SCUBE3: variants seen among roughly 807,000 people sequenced by gnomAD.
SCUBE3 encodes signal peptide, CUB and EGF-like domain-containing protein 3.
SCUBE3 carries 33 observed loss-of-function variants against 116.8 expected under a neutral mutation model. The observed-to-expected ratio is 0.28, with a 90% CI of 0.21 to 0.38. The LOEUF is 0.38. SCUBE3 is among the 10% of genes least tolerant of loss of function. SCUBE3 has a pLI of 1.00. For missense variants in SCUBE3, 1,007 were observed against 1,324.8 expected, an observed-to-expected ratio of 0.76 and a Z score of 3.72; for synonymous variants, 418 against 496.9, an observed-to-expected ratio of 0.84 and a Z score of 2.11.
rs1784448337 is a variant in SCUBE3, at chr6:35,248,676, G to A, written c.2953G>A (p.Val985Ile). ...KSFIKLLRSK[V>I]SSFLRPYK ...CTTCATCAAGCTGCTCCGCTCCAAAGTTTCCAGCTTCCTGAGGCCCTACAA... is the reference window on the plus strand; with the variant it reads ...CTTCATCAAGCTGCTCCGCTCCAAAATTTCCAGCTTCCTGAGGCCCTACAA... Residue 985 changes from valine to isoleucine, a missense_variant, in exon 22 of 22, where the codon GTT becomes ATT. Transcript: ENST00000274938. The A allele has an allele frequency of 6.2e-7, 1 of 1,613,914 alleles. No homozygotes were observed. Among genetic ancestry groups the A allele is most frequent in the African/African-American group, 1.3e-5 (1 of 74,858 alleles).
At position 35,214,525 on chromosome 6, in the gene SCUBE3, G is replaced by T; in HGVS notation, c.85+22G>T. 7.0e-7 allele frequency: 1 copy of T among 1,433,666 alleles called. No homozygotes were observed. The highest frequency in any genetic ancestry group is 9.2e-7 in the Non-Finnish European group (1 of 1,084,654). 88.8% of individuals were successfully genotyped at this position (1,433,666 alleles called of 1,614,324 possible). On this transcript the variant is annotated intron_variant, in intron 1 of 21. Transcript: ENST00000274938. This position sits in a 1 kb window ranked among gnomAD's most constrained non-coding sequence, Gnocchi z 6.3. ...CAAGGTAAGGAAGGAGGGGCGCGCGGCCTGGGGGCTGTCCTGGCTGCTGGG... is the reference window on the plus strand; with the variant it reads ...CAAGGTAAGGAAGGAGGGGCGCGCGTCCTGGGGGCTGTCCTGGCTGCTGGG...
intron 1 of SCUBE3, among the ~76,000 whole-genome samples, chr6:35,215,732 CA>C (rs1338766806): frequency 6.6e-6 from 1 of 152,192 alleles, no homozygotes; most frequent in Admixed American, 6.5e-5. Context: ...CTCCTCTCCC[CA>C]AACACTGCCT....
In SCUBE3 at chr6:35,241,360, T is replaced by C. The variant is rs894094852; in HGVS notation, c.1195+94T>C. Reference sequence around the variant, plus strand: ...CATAGAGTATCACATTGGGGAAAGGTGTGAGGTGGAAAGGGTGGAGAATGT... The same window carrying C: ...CATAGAGTATCACATTGGGGAAAGGCGTGAGGTGGAAAGGGTGGAGAATGT... On this transcript the variant is annotated intron_variant, in intron 10 of 21. Transcript: ENST00000274938. The surrounding 1 kb of genome is among the most constrained non-coding windows in gnomAD (Gnocchi z 4.1). The C allele has an allele frequency of 1.2e-5, 17 of 1,405,364 alleles. No individual in the cohort carries two copies. The African/African-American group carries it at 1.8e-4, about 15-fold the overall frequency. 87.1% of individuals were successfully genotyped at this position (1,405,364 alleles called of 1,614,324 possible). A position where few individuals can be genotyped will look rare whatever the true frequency, so the allele number is the denominator to read the frequency against.
chr6:35,231,596 G>A lies in SCUBE3; in HGVS notation c.335-129G>A, dbSNP rs1783549647. 2 of 693,102 alleles carry A rather than the reference G, an allele frequency of 2.9e-6. No homozygotes were observed. Among genetic ancestry groups the A allele is most frequent in the Admixed American group, 6.1e-5 (2 of 32,772 alleles). The allele number at this position is 693,102 out of a possible 1,614,324, so 42.9% of individuals were successfully genotyped here. Reference sequence around the variant, plus strand: ...GAAATATTAGCTGACAAGGGTGTGAGGACTTCCTGGCTTAAGGCTGGGCTT... The same window carrying A: ...GAAATATTAGCTGACAAGGGTGTGAAGACTTCCTGGCTTAAGGCTGGGCTT... On this transcript the variant is annotated intron_variant, in intron 3 of 21. Coordinates refer to ENST00000274938, the MANE Select transcript of SCUBE3 (RefSeq NM_152753.4). The surrounding 1 kb of genome is among the most constrained non-coding windows in gnomAD (Gnocchi z 4.2).
intron 3 of SCUBE3, among the ~76,000 whole-genome samples, chr6:35,229,761 A>T (rs529805775): frequency 1.3e-5 from 2 of 152,198 alleles, no homozygotes; most frequent in African/African-American, 4.8e-5. Flanking sequence ...CTCTTCCCCA[A>T]GCAGAAAATC....
Position 35,246,064 on chromosome 6 carries a change from G to A in SCUBE3, c.2720G>A (p.Arg907His), listed in dbSNP as rs780534784. Reference protein sequence around the residue: ...NFKTSEANSARGFQIPYVTYD... With the variant: ...NFKTSEANSAHGFQIPYVTYD... ...AAGACAAGCGAGGCCAACAGCGCCC[G>A]TGGCTTCCAGATTCCCTATGTTACC... The change falls in exon 20 of 22, where the codon CGT (arginine) becomes CAT (histidine). Residue 907 changes from arginine (R) to histidine (H), a missense_variant. Transcript: ENST00000274938. The A allele has an allele frequency of 2.2e-5, 36 of 1,614,062 alleles. No homozygotes were observed. The highest frequency in any genetic ancestry group is 2.0e-4 in the South Asian group (18 of 91,090).
chr6:35,216,287 T>C (rs1457399563), intron 1 of SCUBE3, among the ~76,000 whole-genome samples: 1 of 152,238 alleles, frequency 6.6e-6, no homozygotes, highest in Admixed American at 6.5e-5. Context: ...TTGGACTCCC[T>C]GCTGGGTACT....
chr6:35,227,787 C>T, intron 2 of SCUBE3, 85 bp downstream of exon 2: 3 of 1,389,586 alleles, frequency 2.2e-6, no homozygotes, highest in East Asian at 4.7e-5. Context: ...CACTCTCCAT[C>T]ACATCAAGGC....
chr6:35,238,113 T>TC, intron 7 of SCUBE3, 95 bp downstream of exon 7: 2 of 652,910 alleles, frequency 3.1e-6, no homozygotes, highest in East Asian at 5.2e-5. Context: ...TGACACCTCC[T>TC]CAACCTCCTT....
intron 1 of SCUBE3, among the ~76,000 whole-genome samples, chr6:35,226,327 T>C (rs1349133421): frequency 6.6e-6 from 1 of 152,152 alleles, no homozygotes; most frequent in East Asian, 1.9e-4. Flanking sequence ...TTGGCTGGGC[T>C]GAGTCACCTT....
In SCUBE3 at chr6:35,214,343, C is replaced by T. The variant is rs952911737; in HGVS notation, c.-76C>T. On this transcript the variant is annotated 5_prime_UTR_variant, in exon 1 of 22. Coordinates refer to ENST00000274938, the MANE Select transcript of SCUBE3 (RefSeq NM_152753.4). The surrounding 1 kb of genome is among the most constrained non-coding windows in gnomAD (Gnocchi z 6.3). ...CCCCCTCCCCTCCCCCTCCTGCGAG[C>T]TGGGATCCGGCCGGCTTCCGCCCTC... The T allele has an allele frequency of 8.4e-5, 79 of 939,424 alleles. No individual in the cohort carries two copies. In the East Asian group the frequency reaches 2.7e-3, roughly 32 times the overall value. The allele number at this position is 939,424 out of a possible 1,614,324, so 58.2% of individuals were successfully genotyped here. A position where few individuals can be genotyped will look rare whatever the true frequency, so the allele number is the denominator to read the frequency against.
intron 6 of SCUBE3, among the ~76,000 whole-genome samples, chr6:35,234,550 C>A (rs190206039): frequency 6.6e-6 from 1 of 152,196 alleles, no homozygotes; most frequent in Non-Finnish European, 1.5e-5. Flanking sequence ...GACCCCAGAA[C>A]ATTTTTAGGC....
In SCUBE3 at chr6:35,241,055, A is replaced by C; in HGVS notation, c.1070-86A>C. On this transcript the variant is annotated intron_variant, in intron 9 of 21. Coordinates refer to ENST00000274938, the MANE Select transcript of SCUBE3 (RefSeq NM_152753.4). The surrounding 1 kb of genome is among the most constrained non-coding windows in gnomAD (Gnocchi z 4.1). ...CGTAATGCAGGGTACCTGAAACTCT[A>C]ACCAAAGGCCCTCACTCACTGCCTA... 7.4e-7 allele frequency: 1 copy of C among 1,359,288 alleles called. No individual in the cohort carries two copies. The highest frequency in any genetic ancestry group is 1.0e-6 in the Non-Finnish European group (1 of 984,404). 84.2% of individuals were successfully genotyped at this position (1,359,288 alleles called of 1,614,324 possible).
chr6:35,214,303 G>C lies in SCUBE3; in HGVS notation c.-116G>C, dbSNP rs1782794837. ...GCCCCGCGACTGCAGCCCCCGGCCTGGCCCCGGCGGGGCGCCCCCTCCCCT... is the reference window on the plus strand; with the variant it reads ...GCCCCGCGACTGCAGCCCCCGGCCTCGCCCCGGCGGGGCGCCCCCTCCCCT... On this transcript the variant is annotated 5_prime_UTR_variant, in exon 1 of 22. Transcript: ENST00000274938. The surrounding 1 kb of genome is among the most constrained non-coding windows in gnomAD (Gnocchi z 6.3). The C allele has an allele frequency of 2.0e-6, 1 of 492,510 alleles. No homozygotes were observed. Among genetic ancestry groups the C allele is most frequent in the East Asian group, 3.9e-5 (1 of 25,324 alleles). The allele number at this position is 492,510 out of a possible 1,614,324, so 30.5% of individuals were successfully genotyped here.
At position 35,227,712 on chromosome 6, in the gene SCUBE3, GA is replaced by G. The variant is rs776112314; in HGVS notation, c.208+12del. On this transcript the variant is annotated intron_variant, in intron 2 of 21. Coordinates refer to ENST00000274938, the MANE Select transcript of SCUBE3 (RefSeq NM_152753.4). ...GGCAAACACTGCAAAGGTGAGGCTGGAAGGGCACCTGGAGGAGAGGGACCTG... is the reference window on the plus strand; with the variant it reads ...GGCAAACACTGCAAAGGTGAGGCTGGAGGGCACCTGGAGGAGAGGGACCTG... 6.2e-7 allele frequency: 1 copy of G among 1,614,024 alleles called. No individual in the cohort carries two copies. Among genetic ancestry groups the G allele is most frequent in the South Asian group, 1.1e-5 (1 of 91,076 alleles).
chr6:35,241,942 C>A lies in SCUBE3; in HGVS notation c.1417+32C>A. On this transcript the variant is annotated intron_variant, in intron 12 of 21. Coordinates refer to ENST00000274938, the MANE Select transcript of SCUBE3 (RefSeq NM_152753.4). The surrounding 1 kb of genome is among the most constrained non-coding windows in gnomAD (Gnocchi z 4.1). ...ACCAGCCCAGAAGCCCTGTTCCCACCCTACTCTCTTACATTAATCCCTTAT... is the reference window on the plus strand; with the variant it reads ...ACCAGCCCAGAAGCCCTGTTCCCACACTACTCTCTTACATTAATCCCTTAT... 1 of 1,404,476 alleles carries A rather than the reference C, an allele frequency of 7.1e-7. No homozygotes were observed. The highest frequency in any genetic ancestry group is 1.0e-6 in the Non-Finnish European group (1 of 996,660). The allele number at this position is 1,404,476 out of a possible 1,614,324, so 87.0% of individuals were successfully genotyped here. A position where few individuals can be genotyped will look rare whatever the true frequency, so the allele number is the denominator to read the frequency against.
At chr6:35,221,840 G>A (rs1021859996) in intron 1 of SCUBE3, 1 of 152,250 alleles carries the variant, frequency 6.6e-6, no homozygotes, top group Admixed American at 6.5e-5. Context: ...GGTGACCAGA[G>A]AGCCTGACAG....
rs1217904603 is a variant in SCUBE3 at position 35,245,878 on chromosome 6, C to T, written c.2600-66C>T. On this transcript the variant is annotated intron_variant, in intron 19 of 21. Coordinates refer to ENST00000274938, the MANE Select transcript of SCUBE3 (RefSeq NM_152753.4). This position sits in a 1 kb window ranked among gnomAD's most constrained non-coding sequence, Gnocchi z 4.2. ...ATACCCCCACCACCAGCTGTACAGC[C>T]CACGTTCTAGGAGGGCTTGGGTAGC... The T allele has an allele frequency of 3.8e-6, 6 of 1,560,428 alleles. No homozygotes were observed. Among genetic ancestry groups the T allele is most frequent in the Non-Finnish European group, 5.3e-6 (6 of 1,141,246 alleles).
rs531215991 is a variant in SCUBE3, at chr6:35,221,158, C to G, written c.86-6422C>G. The G allele has an allele frequency of 2.6e-5, 4 of 152,226 alleles. No individual in the cohort carries two copies. The East Asian group carries it at 7.7e-4, about 29-fold the overall frequency. The allele number at this position is 152,226 out of a possible 1,614,324, so 9.4% of individuals were successfully genotyped here. A position where few individuals can be genotyped will look rare whatever the true frequency, so the allele number is the denominator to read the frequency against. ...CAGTGGAATGCCTGTGTCAGGTGCCCCATCATTGAGAGTTAGCATGGAGGC... is the reference window on the plus strand; with the variant it reads ...CAGTGGAATGCCTGTGTCAGGTGCCGCATCATTGAGAGTTAGCATGGAGGC... On this transcript the variant is annotated intron_variant, in intron 1 of 21. Transcript: ENST00000274938.
Sources: allele counts gnomAD v4.1 joint callset (sites outside exome capture counted in the v4.1 genomes callset), GRCh38; gene constraint gnomAD v4.1.1; non-coding constraint Gnocchi (gnomAD v3.1); transcripts MANE v1.5; gene names NCBI Gene and HGNC (gene_info 2026-07-23, HGNC 2026-07-21).